The following TXNL4B variants were observed in gnomAD, a reference collection of about 807,000 sequenced individuals.
The protein encoded by TXNL4B is thioredoxin-like protein 4B.
A neutral mutation model predicts 13.0 loss-of-function variants in TXNL4B; 12 were observed. The ratio of observed to expected loss-of-function variants is 0.92; its 90% CI spans 0.59 to 1.49. TXNL4B has a LOEUF of 1.49. TXNL4B is among the 40% of genes most tolerant of loss of function. The probability of loss-of-function intolerance (pLI) is 0.00; values close to 1 mark genes in which losing one functional copy is unlikely to be tolerated. For missense variants in TXNL4B, 214 were observed against 173.6 expected, an observed-to-expected ratio of 1.23 and a Z score of -1.31; for synonymous variants, 59 against 58.9, an observed-to-expected ratio of 1.00 and a Z score of -0.01.
intron 3 of TXNL4B, 41 bp from the exon 4 acceptor site, chr16:72,086,843 G>C: frequency 1.4e-6 from 2 of 1,441,638 alleles, no homozygotes; most frequent in Middle Eastern, 1.8e-4. Flanking sequence ...TAAGAACTTT[G>C]AGTAATCACT....
intron 3 of TXNL4B, among the ~76,000 whole-genome samples, chr16:72,087,953 G>A (rs908396290): frequency 2.6e-5 from 4 of 152,276 alleles, no homozygotes; most frequent in South Asian, 4.1e-4. Context: ...CAGAGTAGCC[G>A]GGACTACATG....
At chr16:72,089,277 A>T (rs983023628) in intron 2 of TXNL4B, 139 bp from the exon 3 acceptor site, 2 of 667,002 alleles carry the variant, frequency 3.0e-6, no homozygotes, top group South Asian at 2.0e-5. Context: ...CTCCCACATT[A>T]GACAAAGCAT....
In TXNL4B at chr16:72,084,867, A is replaced by T. The variant is rs1177901313; in HGVS notation, c.*1770T>A. The stretch of plus-strand genomic sequence containing the variant: ...CCAACTAACAGTGACTTAGGCAAAA[A>T]GAAATTTTATTCTTTCACAGAAGTC... On this transcript the variant is annotated 3_prime_UTR_variant, in exon 4 of 4. Transcript: ENST00000268483. 7.5e-6 allele frequency: 3 copies of T among 398,538 alleles called. No individual in the cohort carries two copies. Among genetic ancestry groups the T allele is most frequent in the African/African-American group, 2.1e-5 (1 of 48,638 alleles). The allele number at this position is 398,538 out of a possible 1,614,324, so 24.7% of individuals were successfully genotyped here. A position where few individuals can be genotyped will look rare whatever the true frequency, so the allele number is the denominator to read the frequency against.
chr16:72,090,139 G>C, intron 2 of TXNL4B: 1 of 456,126 alleles, frequency 2.2e-6, no homozygotes, highest in South Asian at 1.5e-5. Context: ...TTCTGGGTTA[G>C]GTCTCTCTCT....
At chr16:72,087,566 T>C (rs2144098515) in intron 3 of TXNL4B, 1 of 152,340 alleles carries the variant, frequency 6.6e-6, no homozygotes, top group South Asian at 2.1e-4. Flanking sequence ...TACATAATGT[T>C]GAACTGGCCC....
In TXNL4B at chr16:72,090,735, C is replaced by T; in HGVS notation, c.15G>A (p.Leu5=). Residue 5 remains leucine, a synonymous_variant, in exon 2 of 4, where the codon CTG becomes CTA. Transcript: ENST00000268483. ...CTTCCTTTTTGCTAGTCAGCTTGGG[C>T]AGTAGGAAGCTCATCTTGAAATAAC... MSFL[L]PKLTSKKEVD... is the part of the protein sequence containing the mutation. The T allele has an allele frequency of 6.2e-7, 1 of 1,614,078 alleles. No homozygotes were observed. The highest frequency in any genetic ancestry group is 8.5e-7 in the Non-Finnish European group (1 of 1,179,988).
chr16:72,086,820 G>T lies in TXNL4B; in HGVS notation c.285-18C>A, dbSNP rs1567595703. ...CTGGAGATCTAGACAGCATAGAAGA[G>T]AAACAACTGCTCTAAGAACTTTGAG... is the stretch of plus-strand genomic sequence containing the variant. On this transcript the variant is annotated intron_variant, in intron 3 of 3. Transcript: ENST00000268483. The T allele has an allele frequency of 6.5e-7, 1 of 1,534,774 alleles. No individual in the cohort carries two copies. The highest frequency in any genetic ancestry group is 8.9e-7 in the Non-Finnish European group (1 of 1,128,602).
At chr16:72,090,245 G>C (rs1266413865) in intron 2 of TXNL4B, 4 of 460,212 alleles carry the variant, frequency 8.7e-6, no homozygotes, top group South Asian at 6.2e-5. Context: ...TAGTGGATCT[G>C]CACCTGTGGG....
Position 72,093,562 on chromosome 16 carries a change from A to T in TXNL4B, c.-233T>A, listed in dbSNP as rs924190507. 6.6e-6 allele frequency: 1 copy of T among 152,352 alleles called. No individual in the cohort carries two copies. 9.4% of individuals were successfully genotyped at this position (152,352 alleles called of 1,614,324 possible). A position where few individuals can be genotyped will look rare whatever the true frequency, so the allele number is the denominator to read the frequency against. Reference sequence around the variant, plus strand: ...GAAGGAAACCGAACAGAAAACGCACAAGCGCAGAAAAGAAACTCCTGGCCG... The same window carrying T: ...GAAGGAAACCGAACAGAAAACGCACTAGCGCAGAAAAGAAACTCCTGGCCG... On this transcript the variant is annotated 5_prime_UTR_variant, in exon 1 of 4. Transcript: ENST00000268483.
At chr16:72,087,280 C>A (rs949189407) in intron 3 of TXNL4B, 1 of 152,914 alleles carries the variant, frequency 6.5e-6, no homozygotes. Context: ...TAAATAAAAT[C>A]ACGGATGAGG....
intron 2 of TXNL4B, 50 bp downstream of exon 2, chr16:72,090,568 A>G: frequency 6.3e-7 from 1 of 1,591,712 alleles, no homozygotes; most frequent in Non-Finnish European, 8.6e-7. Flanking sequence ...TGCTGAAGTG[A>G]GAATATACAG....
intron 3 of TXNL4B, 22 bp from the exon 4 acceptor site, chr16:72,086,824 C>T (rs367728363): frequency 6.6e-7 from 1 of 1,526,252 alleles, no homozygotes; most frequent in Non-Finnish European, 8.9e-7. Context: ...AGAAGAGAAA[C>T]AACTGCTCTA....
intron 2 of TXNL4B, chr16:72,090,306 C>T (rs112337911): frequency 1.7e-5 from 8 of 470,156 alleles, no homozygotes; most frequent in African/African-American, 6.0e-5. Context: ...AATGGGGCTA[C>T]TATTATCCCA....
chr16:72,088,184 G>A (rs923353751), intron 3 of TXNL4B, among the ~76,000 whole-genome samples: 1 of 152,010 alleles, frequency 6.6e-6, no homozygotes, highest in Non-Finnish European at 1.5e-5. Context: ...TGCTGGTTTT[G>A]AACTCCTGAC....
chr16:72,090,103 G>A (rs1231126700), intron 2 of TXNL4B: 1 of 456,098 alleles, frequency 2.2e-6, no homozygotes, highest in East Asian at 6.9e-5. Context: ...GATGGTAGCA[G>A]TAGAAATGGC....
chr16:72,089,016 G>T lies in TXNL4B; in HGVS notation c.255C>A (p.Phe85Leu). The part of the protein sequence containing the change: ...ISYIPSTVFF[F>L]NGQHMKVDYG... ...AATCCACTTTCATATGCTGCCCATT[G>T]AAGAAAAAGACAGTAGATGGAATAT... is the stretch of plus-strand genomic sequence containing the variant. The change falls in exon 3 of 4, where the codon TTC (phenylalanine) becomes TTA (leucine). Residue 85 changes from phenylalanine to leucine, a missense_variant. Coordinates refer to ENST00000268483, the MANE Select transcript of TXNL4B (RefSeq NM_017853.3). 6.2e-7 allele frequency: 1 copy of T among 1,610,690 alleles called. No homozygotes were observed. The highest frequency in any genetic ancestry group is 1.1e-5 in the South Asian group (1 of 90,782).
At chr16:72,087,494 A>G (rs552319079) in intron 3 of TXNL4B, 1 of 152,214 alleles carries the variant, frequency 6.6e-6, no homozygotes. Flanking sequence ...CTGCAACATC[A>G]TATTAAAGTC....
At chr16:72,091,675 T>C (rs1323165799) in intron 1 of TXNL4B, among the ~76,000 whole-genome samples, 2 of 152,264 alleles carry the variant, frequency 1.3e-5, no homozygotes, top group Non-Finnish European at 1.5e-5. Flanking sequence ...CAGTCCTTTA[T>C]TGTATACTTT....
chr16:72,090,620 T>A lies in TXNL4B; in HGVS notation c.130A>T (p.Ile44Phe). 1 of 1,613,620 alleles carries A rather than the reference T, an allele frequency of 6.2e-7. No homozygotes were observed. The highest frequency in any genetic ancestry group is 8.5e-7 in the Non-Finnish European group (1 of 1,179,874). ...EDPVCLQLDD[I>F]LSKTSSDLSK... ...AATTATTTTAGACATTCACTTACAA[T>A]ATCATCTAGCTGCAGACAGACAGGA... The change falls in exon 2 of 4, where the codon ATT becomes TTT. Residue 44 changes from isoleucine to phenylalanine, a missense_variant and splice_region_variant. Physicochemically the swap from Ile to Phe is conservative, Grantham distance 21. Coordinates refer to ENST00000268483, the MANE Select transcript of TXNL4B (RefSeq NM_017853.3).
Sources: gnomAD v4.1 joint callset for allele counts (sites outside exome capture counted in the v4.1 genomes callset) on GRCh38, gnomAD v4.1.1 for gene constraint, MANE v1.5 for transcripts, NCBI Gene and HGNC (gene_info 2026-07-23, HGNC 2026-07-21) for gene names.